SLC9A8: variants seen among roughly 807,000 people sequenced by gnomAD.
The protein encoded by SLC9A8 is solute carrier family 9 member A8, also known as sodium/hydrogen exchanger 8.
In SLC9A8, 48 loss-of-function variants were observed where a neutral mutation model predicts 66.6. The ratio of observed to expected loss-of-function variants is 0.72; its 90% CI spans 0.57 to 0.92. The LOEUF is 0.92. Among genes scored for constraint, SLC9A8 ranks in the 40% least tolerant of loss-of-function variants. The pLI is 0.00. For synonymous variants in SLC9A8, 274 were observed against 282.6 expected (o/e 0.97, Z 0.31); for missense variants, 599 against 747.3 (o/e 0.80, Z 2.31).
chr20:49,874,943 G>C, intron 11 of SLC9A8, 122 bp downstream of exon 11: 2 of 722,900 alleles, frequency 2.8e-6, no homozygotes, highest in Non-Finnish European at 5.1e-6. Context: ...CTCAGAGCCA[G>C]ATCCCTCACT....
chr20:49,820,079 C>T (rs984832263), intron 2 of SLC9A8, among the ~76,000 whole-genome samples: 18 of 152,104 alleles, frequency 1.2e-4, no homozygotes, highest in Admixed American at 2.0e-4. Context: ...CCGAGTCAAA[C>T]GGTTACTGTA....
intron 8 of SLC9A8, among the ~76,000 whole-genome samples, chr20:49,859,296 C>G (rs1321913805): frequency 6.6e-6 from 1 of 152,174 alleles, no homozygotes; most frequent in East Asian, 1.9e-4. Flanking sequence ...CCATGATGGG[C>G]AAAAGATGCC....
chr20:49,887,097 T>G (rs964329530), intron 15 of SLC9A8, among the ~76,000 whole-genome samples, 199 bp downstream of exon 15: 3 of 152,154 alleles, frequency 2.0e-5, no homozygotes, highest in Admixed American at 6.5e-5. Context: ...GCTGCCACAT[T>G]TAGTGCGAGG....
rs1462920620 is a variant in SLC9A8, at chr20:49,830,270, C to T, written c.289+7129C>T. ...GCCTTGGTCTCATGAGAAGTGGAAT[C>T]GTCTCTAACTTGCTAAAAATGGGTC... is the stretch of plus-strand genomic sequence containing the variant. On this transcript the variant is annotated intron_variant, in intron 3 of 15. Coordinates refer to ENST00000361573, the MANE Select transcript of SLC9A8 (RefSeq NM_015266.3). 1.8e-5 allele frequency: 20 copies of T among 1,111,344 alleles called. No homozygotes were observed. The East Asian group carries it at 1.9e-4, about 10-fold the overall frequency. 68.8% of individuals were successfully genotyped at this position (1,111,344 alleles called of 1,614,324 possible).
At chr20:49,863,334 C>T (rs1170617079) in intron 9 of SLC9A8, among the ~76,000 whole-genome samples, 1 of 152,144 alleles carries the variant, frequency 6.6e-6, no homozygotes, top group East Asian at 1.9e-4. Context: ...TCTCAGTTCC[C>T]AGAGTATGAT....
rs141168383 is a variant in SLC9A8 at position 49,867,524 on chromosome 20, C to T, written c.958+2680C>T. On this transcript the variant is annotated intron_variant, in intron 10 of 15. Coordinates refer to ENST00000361573, the MANE Select transcript of SLC9A8 (RefSeq NM_015266.3). Reference sequence around the variant, plus strand: ...TCTTTCCCCAGCTTCTTGTTTCATCCGACATATTTACTGATCAGTATCAGT... The same window carrying T: ...TCTTTCCCCAGCTTCTTGTTTCATCTGACATATTTACTGATCAGTATCAGT... Among the ~76,000 whole-genome samples the T allele has an allele frequency of 4.8e-4, 73 of 152,192 alleles. 1 individual carries two copies. The highest frequency in any genetic ancestry group is 1.3e-3 in the African/African-American group (55 of 41,522).
chr20:49,817,049 C>T (rs971287383), intron 2 of SLC9A8, among the ~76,000 whole-genome samples: 9 of 149,180 alleles, frequency 6.0e-5, no homozygotes, highest in African/African-American at 1.5e-4. Flanking sequence ...CTTGTTTGGC[C>T]GGGCGCCGTG....
At chr20:49,830,727 G>T in intron 3 of SLC9A8, 1 of 715,336 alleles carries the variant, frequency 1.4e-6, no homozygotes, top group Non-Finnish European at 2.5e-6. Context: ...TGGCAACGCA[G>T]CCAAGATGAT....
rs938637600 is a variant in SLC9A8 at position 49,890,946 on chromosome 20, A to T, written c.*3010A>T. ...AATGCTGAAAGATGGGTGACTGGGGACCCTTCTTAAAACCTTTGGCAAAGG... is the reference window on the plus strand; with the variant it reads ...AATGCTGAAAGATGGGTGACTGGGGTCCCTTCTTAAAACCTTTGGCAAAGG... On this transcript the variant is annotated 3_prime_UTR_variant, in exon 16 of 16. Coordinates refer to ENST00000361573, the MANE Select transcript of SLC9A8 (RefSeq NM_015266.3). 6.6e-6 allele frequency: 1 copy of T among 152,228 alleles called. No individual in the cohort carries two copies. Among genetic ancestry groups the T allele is most frequent in the Non-Finnish European group, 1.5e-5 (1 of 68,102 alleles). The allele number at this position is 152,228 out of a possible 1,614,324, so 9.4% of individuals were successfully genotyped here.
intron 10 of SLC9A8, among the ~76,000 whole-genome samples, chr20:49,870,113 A>G (rs1334936435): frequency 6.6e-6 from 1 of 152,262 alleles, no homozygotes; most frequent in Non-Finnish European, 1.5e-5. Flanking sequence ...TTTAAAAGTA[A>G]GTTGAAAAAT....
At chr20:49,831,489 T>C (rs1156447843) in intron 3 of SLC9A8, among the ~76,000 whole-genome samples, 1 of 152,126 alleles carries the variant, frequency 6.6e-6, no homozygotes, top group African/African-American at 2.4e-5. Context: ...GCCTGGCTTT[T>C]TTTCTTCTTC....
intron 4 of SLC9A8, among the ~76,000 whole-genome samples, chr20:49,843,043 T>G (rs2087831795): frequency 6.6e-6 from 1 of 152,182 alleles, no homozygotes; most frequent in Non-Finnish European, 1.5e-5. Context: ...TTATCCAGTG[T>G]AAGGTCATCT....
chr20:49,834,214 T>TAC (rs1355760521), intron 3 of SLC9A8, among the ~76,000 whole-genome samples: 1,894 of 110,808 alleles, frequency 0.017, 25 homozygotes, highest in African/African-American at 0.034. Context: ...TATATATATA[T>TAC]ACACACACAC....
intron 3 of SLC9A8, among the ~76,000 whole-genome samples, chr20:49,835,040 A>G (rs944597532): frequency 2.0e-5 from 3 of 152,208 alleles, no homozygotes; most frequent in Non-Finnish European, 4.4e-5. Flanking sequence ...ATCCAGCGCG[A>G]CTGAGGATGT....
rs2087408728 is a variant in SLC9A8, at chr20:49,834,388, G to GTGTGTATATATATATACTGTA, written c.290-5152_290-5151insGTGTATATATATATACTGTAT. On this transcript the variant is annotated intron_variant, in intron 3 of 15. Coordinates refer to ENST00000361573, the MANE Select transcript of SLC9A8 (RefSeq NM_015266.3). ...TACTGTGTATATATATATATACTGT[G>GTGTGTATATATATATACTGTA]TATATATATATACTGTGTATATATA... Among the ~76,000 whole-genome samples the GTGTGTATATATATATACTGTA allele has an allele frequency of 5.1e-5, 3 of 58,846 alleles. No individual in the cohort carries two copies. The South Asian group carries it at 1.1e-3, about 22-fold the overall frequency. The allele number at this position is 58,846 out of a possible 152,430, so 38.6% of individuals were successfully genotyped here.
Position 49,862,793 on chromosome 20 carries a change from C to T in SLC9A8, c.714-136C>T, listed in dbSNP as rs1002181596. ...TGGGACAAAGTAGGTGAACAATAAA[C>T]GTTTGGCTGACTGAATGAATGATGG... On this transcript the variant is annotated intron_variant, in intron 8 of 15. Transcript: ENST00000361573. 4.7e-5 allele frequency: 36 copies of T among 760,268 alleles called. No homozygotes were observed. The East Asian group carries it at 4.9e-4, about 10-fold the overall frequency. The allele number at this position is 760,268 out of a possible 1,614,324, so 47.1% of individuals were successfully genotyped here.
intron 5 of SLC9A8, among the ~76,000 whole-genome samples, chr20:49,845,330 A>G (rs2087939250): frequency 6.6e-6 from 1 of 152,238 alleles, no homozygotes; most frequent in Admixed American, 6.5e-5. Flanking sequence ...TTCAGGCAGT[A>G]TGGCTCACTG....
chr20:49,859,278 C>T (rs1413631059), intron 8 of SLC9A8, among the ~76,000 whole-genome samples: 1 of 152,196 alleles, frequency 6.6e-6, no homozygotes, highest in Admixed American at 6.5e-5. Context: ...GTGGATTTGA[C>T]AGTCGGTCCA....
Position 49,855,827 on chromosome 20 carries a change from G to A in SLC9A8, c.713+246G>A, listed in dbSNP as rs537907928. On this transcript the variant is annotated intron_variant, in intron 8 of 15. Coordinates refer to ENST00000361573, the MANE Select transcript of SLC9A8 (RefSeq NM_015266.3). Reference sequence around the variant, plus strand: ...TTTTTTTGAGACAGGGTCTCGCTCTGTCACCCAAGCTGGAGTGCAGTGGCT... The same window carrying A: ...TTTTTTTGAGACAGGGTCTCGCTCTATCACCCAAGCTGGAGTGCAGTGGCT... 3.3e-5 allele frequency among the ~76,000 whole-genome samples: 5 copies of A among 152,232 alleles called. No individual in the cohort carries two copies. In the East Asian group the frequency reaches 7.7e-4, roughly 24 times the overall value.
Sources: allele counts gnomAD v4.1 joint callset (sites outside exome capture counted in the v4.1 genomes callset), GRCh38; gene constraint gnomAD v4.1.1; transcripts MANE v1.5; gene names NCBI Gene and HGNC (gene_info 2026-07-23, HGNC 2026-07-21).